Variants in VTI1A observed in about 807,000 individuals in gnomAD.
The protein encoded by VTI1A is vesicle transport through interaction with t-SNAREs homolog 1A.
In VTI1A, 22 loss-of-function variants were observed where a neutral mutation model predicts 34.9. The observed-to-expected ratio is 0.63, with a 90% CI of 0.45 to 0.90. The LOEUF is 0.90. VTI1A is among the 40% of genes least tolerant of loss of function. The probability of loss-of-function intolerance (pLI) is 0.00; values close to 1 mark genes in which losing one functional copy is unlikely to be tolerated. For synonymous variants in VTI1A, 87 were observed against 97.3 expected (o/e 0.89, Z 0.62); for missense variants, 268 against 275.6 (o/e 0.97, Z 0.20).
rs17129830 is a variant in VTI1A, at chr10:112,483,529, G to C, written c.264+18872G>C. 7.1e-3 allele frequency among the ~76,000 whole-genome samples: 1,076 copies of C among 152,256 alleles called. 12 individuals are homozygous for C. The highest frequency in any genetic ancestry group is 0.024 in the African/African-American group (1,017 of 41,558). On this transcript the variant is annotated intron_variant, in intron 3 of 7. Coordinates refer to ENST00000393077, the MANE Select transcript of VTI1A (RefSeq NM_145206.4). ...ATGGTAAGTCTTTCTCTTTGGTCTA[G>C]AACAGGATTCCTCAACCTCAGCACT...
chr10:112,765,283 TAC>T (rs1476905166), intron 7 of VTI1A, among the ~76,000 whole-genome samples: 1 of 152,204 alleles, frequency 6.6e-6, no homozygotes, highest in Non-Finnish European at 1.5e-5. Context: ...AATCTTGGCT[TAC>T]TGCAGCCTCC....
chr10:112,760,889 CAAAAA>C (rs10592117), intron 7 of VTI1A, among the ~76,000 whole-genome samples: 2 of 94,260 alleles, frequency 2.1e-5, no homozygotes, highest in African/African-American at 3.6e-5. Flanking sequence ...ACTCCATCTC[CAAAAA>C]AAAAAAAAAA....
At chr10:112,543,827 C>G (rs1850963884) in intron 5 of VTI1A, among the ~76,000 whole-genome samples, 1 of 152,194 alleles carries the variant, frequency 6.6e-6, no homozygotes, top group Non-Finnish European at 1.5e-5. Context: ...ACATTTAAGT[C>G]TTTAATCCAT....
chr10:112,570,080 C>G (rs1852061058), intron 5 of VTI1A, among the ~76,000 whole-genome samples: 1 of 152,184 alleles, frequency 6.6e-6, no homozygotes. Context: ...TGTGGCATCT[C>G]ATACAATTAT....
chr10:112,589,588 G>C (rs76612708), intron 5 of VTI1A, among the ~76,000 whole-genome samples: 78 of 152,288 alleles, frequency 5.1e-4, no homozygotes, highest in Non-Finnish European at 8.1e-4. Flanking sequence ...ATCTGACATA[G>C]CTAAAAAATA....
At chr10:112,717,781 G>A (rs1255287098) in intron 7 of VTI1A, among the ~76,000 whole-genome samples, 3 of 152,192 alleles carry the variant, frequency 2.0e-5, no homozygotes, top group Non-Finnish European at 4.4e-5. Flanking sequence ...GGGATGGGAT[G>A]TGACACATAC....
chr10:112,619,764 T>C (rs1016896550), intron 5 of VTI1A, among the ~76,000 whole-genome samples: 1 of 152,190 alleles, frequency 6.6e-6, no homozygotes, highest in African/African-American at 2.4e-5. Context: ...AAAATGTACA[T>C]GGATCTTTCT....
At chr10:112,814,520 T>C (rs1351492244) in intron 7 of VTI1A, among the ~76,000 whole-genome samples, 2 of 152,152 alleles carry the variant, frequency 1.3e-5, no homozygotes, top group Non-Finnish European at 2.9e-5. Flanking sequence ...TCTGCAGGCA[T>C]CTGGGAGCGT....
chr10:112,549,894 A>C (rs925969127), intron 5 of VTI1A, among the ~76,000 whole-genome samples: 1 of 152,194 alleles, frequency 6.6e-6, no homozygotes, highest in African/African-American at 2.4e-5. Flanking sequence ...TGAGGAGGTT[A>C]TCATTTGGGC....
At chr10:112,712,839 T>A (rs1220859914) in intron 7 of VTI1A, among the ~76,000 whole-genome samples, 2 of 152,222 alleles carry the variant, frequency 1.3e-5, no homozygotes, top group Non-Finnish European at 2.9e-5. Context: ...GCAGATTTAA[T>A]GGCTTTAGAC....
chr10:112,697,692 A>T (rs575333719), intron 7 of VTI1A, among the ~76,000 whole-genome samples: 76 of 152,206 alleles, frequency 5.0e-4, no homozygotes, highest in Middle Eastern at 3.4e-3. Context: ...CACCGCGCCC[A>T]GCCTTGTTCT....
At chr10:112,572,763 C>T (rs982153128) in intron 5 of VTI1A, among the ~76,000 whole-genome samples, 11 of 151,264 alleles carry the variant, frequency 7.3e-5, no homozygotes, top group Admixed American at 2.6e-4. Context: ...GGCGTGAACC[C>T]GGGAGGCGGA....
At chr10:112,561,057 G>A (rs1171450848) in intron 5 of VTI1A, among the ~76,000 whole-genome samples, 1 of 151,982 alleles carries the variant, frequency 6.6e-6, no homozygotes. Flanking sequence ...ATACATTCAA[G>A]TGGTTCTCTC....
At chr10:112,765,102 T>C (rs1851600739) in intron 7 of VTI1A, among the ~76,000 whole-genome samples, 1 of 152,244 alleles carries the variant, frequency 6.6e-6, no homozygotes, top group South Asian at 2.1e-4. Context: ...AATGACATCA[T>C]ATTATTATAC....
rs138084147 is a variant in VTI1A at position 112,704,675 on chromosome 10, T to TA, written c.560+35678dup. Among the ~76,000 whole-genome samples, 1,377 of 152,294 alleles carry TA rather than the reference T, an allele frequency of 9.0e-3. 15 individuals carry two copies. Among genetic ancestry groups the TA allele is most frequent in the Non-Finnish European group, 0.015 (1,025 of 68,024 alleles). ...ACCACTTGTTTATTGAGGTGTTTGT[T>TA]ATGTATATTATTTAGATCTTGTCAC... On this transcript the variant is annotated intron_variant, in intron 7 of 7. Transcript: ENST00000393077.
At chr10:112,538,578 A>G (rs1009606799) in intron 5 of VTI1A, 15 of 397,180 alleles carry the variant, frequency 3.8e-5, no homozygotes, top group Non-Finnish European at 6.8e-5. Context: ...CTTTGTCTAA[A>G]TTCTACATTT....
intron 7 of VTI1A, among the ~76,000 whole-genome samples, chr10:112,719,220 C>T (rs1482693130): frequency 6.6e-6 from 1 of 152,182 alleles, no homozygotes; most frequent in African/African-American, 2.4e-5. Flanking sequence ...TTGTGAGCTG[C>T]AATAGCCTTG....
intron 7 of VTI1A, among the ~76,000 whole-genome samples, chr10:112,786,821 T>C (rs1230597222): frequency 6.6e-6 from 1 of 152,214 alleles, no homozygotes; most frequent in Non-Finnish European, 1.5e-5. Flanking sequence ...ATTAATATGT[T>C]ATAGGATTCA....
chr10:112,716,847 C>T (rs1250617209), intron 7 of VTI1A, among the ~76,000 whole-genome samples: 1 of 152,140 alleles, frequency 6.6e-6, no homozygotes, highest in Non-Finnish European at 1.5e-5. Context: ...AAGGGATACC[C>T]AACCCCTACA....
Sources: gnomAD v4.1 joint callset for allele counts (sites outside exome capture counted in the v4.1 genomes callset) on GRCh38, gnomAD v4.1.1 for gene constraint, MANE v1.5 for transcripts, NCBI Gene and HGNC (gene_info 2026-07-23, HGNC 2026-07-21) for gene names.